MIPEP: variants seen among roughly 807,000 people sequenced by gnomAD.
MIPEP encodes the protein mitochondrial intermediate peptidase.
MIPEP carries 79 observed loss-of-function variants against 90.3 expected under a neutral mutation model. The ratio of observed to expected loss-of-function variants is 0.87; its 90% CI spans 0.73 to 1.05. MIPEP has a LOEUF of 1.05. Ranked by LOEUF, MIPEP falls within the 50% of genes least tolerant of loss-of-function variation. MIPEP has a pLI of 0.00. For missense variants in MIPEP, 940 were observed against 905.6 expected, an observed-to-expected ratio of 1.04 and a Z score of -0.49; for synonymous variants, 334 against 315.8, an observed-to-expected ratio of 1.06 and a Z score of -0.61.
rs180788192 is a variant in MIPEP, at chr13:23,881,571, G to A, written c.452+128C>T. The A allele has an allele frequency of 3.9e-3, 3,006 of 766,144 alleles. 57 individuals carry two copies. Among genetic ancestry groups the A allele is most frequent in the South Asian group, 0.03 (1,802 of 59,738 alleles). 47.5% of individuals were successfully genotyped at this position (766,144 alleles called of 1,614,324 possible). A position where few individuals can be genotyped will look rare whatever the true frequency, so the allele number is the denominator to read the frequency against. ...CTGAGCCCTCCCTCCGGCCACCCCT[G>A]GTCACACACACCTCCCACCCTGCTG... On this transcript the variant is annotated intron_variant, in intron 3 of 18. Transcript: ENST00000382172.
At chr13:23,769,578 G>A (rs2138529676) in intron 16 of MIPEP, among the ~76,000 whole-genome samples, 2 of 152,294 alleles carry the variant, frequency 1.3e-5, no homozygotes, top group Middle Eastern at 6.8e-3. Context: ...GTGTGTGGGG[G>A]GAGGGCTATA....
At chr13:23,741,652 C>T (rs930057487) in intron 18 of MIPEP, among the ~76,000 whole-genome samples, 1 of 151,580 alleles carries the variant, frequency 6.6e-6, no homozygotes, top group African/African-American at 2.4e-5. Flanking sequence ...GAACAACACA[C>T]GCTGACGCCT....
intron 10 of MIPEP, among the ~76,000 whole-genome samples, chr13:23,844,573 A>G (rs554493488): frequency 1.3e-5 from 2 of 152,356 alleles, no homozygotes; most frequent in East Asian, 3.9e-4. Context: ...AATTGGTTAT[A>G]AAAAGCAATT....
chr13:23,753,584 A>C (rs1952463235), intron 18 of MIPEP, among the ~76,000 whole-genome samples: 1 of 152,246 alleles, frequency 6.6e-6, no homozygotes, highest in Non-Finnish European at 1.5e-5. Flanking sequence ...AGAGTTAGAG[A>C]GCATAGATAC....
intron 14 of MIPEP, among the ~76,000 whole-genome samples, chr13:23,829,596 T>C (rs1868637507): frequency 6.6e-6 from 1 of 151,974 alleles, no homozygotes; most frequent in African/African-American, 2.4e-5. Flanking sequence ...AAAAGACAAA[T>C]TTCCAAGTAG....
intron 10 of MIPEP, among the ~76,000 whole-genome samples, chr13:23,856,401 T>A (rs1870049272): frequency 6.6e-6 from 1 of 152,236 alleles, no homozygotes; most frequent in South Asian, 2.1e-4. Context: ...TGTTTCTTTC[T>A]GTAAAACAAA....
chr13:23,732,003 G>T (rs531773573), intron 18 of MIPEP, among the ~76,000 whole-genome samples: 1 of 124,840 alleles, frequency 8.0e-6, no homozygotes, highest in East Asian at 2.4e-4. Context: ...TTAAAGACAA[G>T]GTCTTGCTCT....
chr13:23,759,253 A>G (rs570816834), intron 17 of MIPEP, among the ~76,000 whole-genome samples: 2 of 152,206 alleles, frequency 1.3e-5, no homozygotes, highest in African/African-American at 4.8e-5. Flanking sequence ...AGCAAAGGGA[A>G]GATCTCCTAC....
chr13:23,885,719 C>G (rs1479418460), intron 2 of MIPEP, among the ~76,000 whole-genome samples: 1 of 148,672 alleles, frequency 6.7e-6, no homozygotes, highest in Non-Finnish European at 1.5e-5. Context: ...ATTTTGATGT[C>G]AAAACTTGGT....
At chr13:23,804,683 T>C (rs755693264) in intron 16 of MIPEP, among the ~76,000 whole-genome samples, 2 of 152,212 alleles carry the variant, frequency 1.3e-5, no homozygotes, top group Non-Finnish European at 2.9e-5. Context: ...TAAAATATCC[T>C]GTTGCTTCAC....
intron 2 of MIPEP, among the ~76,000 whole-genome samples, chr13:23,885,778 G>T (rs989651438): frequency 2.0e-5 from 3 of 150,958 alleles, no homozygotes; most frequent in Admixed American, 2.0e-4. Context: ...ATTAAAACTG[G>T]TTTTCACACC....
At chr13:23,887,078 A>G (rs1871523156) in intron 1 of MIPEP, among the ~76,000 whole-genome samples, 1 of 152,242 alleles carries the variant, frequency 6.6e-6, no homozygotes, top group Non-Finnish European at 1.5e-5. Context: ...CAATTATTCT[A>G]TAACTATCAA....
Position 23,889,332 on chromosome 13 carries a change from A to G in MIPEP, c.-12T>C, listed in dbSNP as rs1420136082. 13 of 1,318,898 alleles carry G rather than the reference A, an allele frequency of 9.9e-6. No individual in the cohort carries two copies. Among genetic ancestry groups the G allele is most frequent in the Non-Finnish European group, 1.3e-5 (13 of 1,033,126 alleles). 81.7% of individuals were successfully genotyped at this position (1,318,898 alleles called of 1,614,324 possible). A position where few individuals can be genotyped will look rare whatever the true frequency, so the allele number is the denominator to read the frequency against. On this transcript the variant is annotated 5_prime_UTR_variant, in exon 1 of 19. Coordinates refer to ENST00000382172, the MANE Select transcript of MIPEP (RefSeq NM_005932.4). ...CCGACGCACAGCATTCTAGCACCAG[A>G]GCAGTCCCTTCCTCCAACGCAGATC...
chr13:23,887,847 T>A (rs1450282364), intron 1 of MIPEP, among the ~76,000 whole-genome samples: 2 of 152,064 alleles, frequency 1.3e-5, no homozygotes, highest in East Asian at 3.9e-4. Context: ...AGATAAAAAA[T>A]AAAATAAAAG....
intron 4 of MIPEP, among the ~76,000 whole-genome samples, chr13:23,878,227 A>G (rs182481281): frequency 4.6e-5 from 7 of 152,370 alleles, no homozygotes; most frequent in African/African-American, 7.2e-5. Context: ...TGAAAGCAAT[A>G]TAACGATAAA....
At chr13:23,860,829 C>G (rs1870262508) in intron 9 of MIPEP, among the ~76,000 whole-genome samples, 1 of 96,926 alleles carries the variant, frequency 1.0e-5, no homozygotes, top group Non-Finnish European at 2.1e-5. Context: ...CAGTTACCAT[C>G]TGGGTGAGAA....
At chr13:23,790,785 C>T (rs572985842) in intron 16 of MIPEP, among the ~76,000 whole-genome samples, 2 of 152,320 alleles carry the variant, frequency 1.3e-5, no homozygotes, top group African/African-American at 2.4e-5. Flanking sequence ...TAAGAAAACA[C>T]ATTTTTGCTA....
intron 10 of MIPEP, among the ~76,000 whole-genome samples, chr13:23,845,358 A>T (rs532070296): frequency 6.6e-6 from 1 of 152,316 alleles, no homozygotes; most frequent in South Asian, 2.1e-4. Flanking sequence ...TGAAGCATCA[A>T]TGGGGGAAGC....
At chr13:23,766,809 C>T (rs1056528315) in intron 16 of MIPEP, among the ~76,000 whole-genome samples, 7 of 152,248 alleles carry the variant, frequency 4.6e-5, no homozygotes, top group Non-Finnish European at 1.0e-4. Context: ...ATGGTCACAC[C>T]TTTGTGGAAT....
Sources: gnomAD v4.1 joint callset for allele counts (sites outside exome capture counted in the v4.1 genomes callset) on GRCh38, gnomAD v4.1.1 for gene constraint, MANE v1.5 for transcripts, NCBI Gene and HGNC (gene_info 2026-07-23, HGNC 2026-07-21) for gene names.